SOX6: variants seen among roughly 807,000 people sequenced by gnomAD.
The protein encoded by SOX6 is transcription factor SOX-6.
Under a neutral mutation model 97.8 loss-of-function variants are expected in SOX6, and 11 were observed. That is an observed-to-expected ratio of 0.11 (90% CI 0.07 to 0.19). The LOEUF is 0.19. SOX6 is among the 10% of genes least tolerant of loss of function. The pLI, the probability that SOX6 is intolerant of heterozygous loss-of-function variation, is 1.00. For missense variants in SOX6, 810 were observed against 1,039.5 expected (o/e 0.78, Z 3.04); for synonymous variants, 360 against 371.4 (o/e 0.97, Z 0.35).
chr11:16,590,135 G>A (rs989403390), intron 4 of SOX6, among the ~76,000 whole-genome samples: 1 of 152,260 alleles, frequency 6.6e-6, no homozygotes, highest in East Asian at 1.9e-4. Context: ...GCATTGTATA[G>A]GTGGTACTGC....
At chr11:16,639,135 C>T (rs1232787082) in intron 3 of SOX6, among the ~76,000 whole-genome samples, 1 of 152,174 alleles carries the variant, frequency 6.6e-6, no homozygotes, top group Non-Finnish European at 1.5e-5. Flanking sequence ...CTACATATGG[C>T]TAGCCAGTTT....
chr11:16,106,250 C>A (rs1849080453), intron 7 of SOX6, among the ~76,000 whole-genome samples: 1 of 151,858 alleles, frequency 6.6e-6, no homozygotes, highest in African/African-American at 2.4e-5. Flanking sequence ...CTAAAACAAT[C>A]TTGAAAAAGA....
At chr11:16,192,706 G>A (rs1047381962) in intron 4 of SOX6, among the ~76,000 whole-genome samples, 1 of 151,408 alleles carries the variant, frequency 6.6e-6, no homozygotes, top group African/African-American at 2.4e-5. Context: ...GGTAAAATGA[G>A]ATAAATAAGG....
At chr11:16,500,929 G>T (rs867929762) in intron 4 of SOX6, among the ~76,000 whole-genome samples, 21 of 152,092 alleles carry the variant, frequency 1.4e-4, no homozygotes, top group Admixed American at 4.6e-4. Flanking sequence ...AAGCTACCAA[G>T]GACTTTCTTC....
chr11:16,092,897 C>G (rs935092002), intron 9 of SOX6, among the ~76,000 whole-genome samples: 6 of 150,920 alleles, frequency 4.0e-5, no homozygotes, highest in Admixed American at 2.6e-4. Flanking sequence ...GACAATATTT[C>G]TTCAGAAACA....
chr11:16,298,531 C>T (rs919930793), intron 3 of SOX6, among the ~76,000 whole-genome samples: 6 of 151,204 alleles, frequency 4.0e-5, no homozygotes, highest in East Asian at 1.9e-4. Context: ...AAATAAGTAC[C>T]CAAAGAAATA....
chr11:16,423,166 T>C (rs942096578), intron 1 of SOX6, among the ~76,000 whole-genome samples: 1 of 152,170 alleles, frequency 6.6e-6, no homozygotes, highest in Non-Finnish European at 1.5e-5. Flanking sequence ...ATCACTCTAT[T>C]GGTGCCAGCT....
rs1855465396 is a variant in SOX6 at position 16,034,500 on chromosome 11, G to A, written c.1623+12014C>T. The stretch of plus-strand genomic sequence containing the variant: ...AAACTTCTGCCAGACTGCTCTCAAT[G>A]GCACATTTTTGACAACCAGATTTAA... On this transcript the variant is annotated intron_variant, in intron 12 of 15. Transcript: ENST00000683767. Among the ~76,000 whole-genome samples the A allele has an allele frequency of 2.0e-5, 3 of 152,152 alleles. No homozygotes were observed. In the South Asian group the frequency reaches 6.2e-4, roughly 32 times the overall value.
Position 16,565,639 on chromosome 11 carries a change from ACTAACCTGCACAATGTGCACATGTACCCT to A in SOX6, n.609+46413_609+46441del. Among the ~76,000 whole-genome samples the A allele has an allele frequency of 7.9e-4, 3 of 3,820 alleles. 1 individual carries two copies. Among genetic ancestry groups the A allele is most frequent in the African/African-American group, 2.4e-3 (3 of 1,238 alleles). The allele number at this position is 3,820 out of a possible 152,430, so 2.5% of individuals were successfully genotyped here. ...AGCATGGCACATGTATACATATGTA[ACTAACCTGCACAATGTGCACATGTACCCT>A]AAAACTTAGAGTATAATAAAAAAAT... On this transcript the variant is annotated intron_variant and non_coding_transcript_variant, in intron 4 of 5. Coordinates refer to the SOX6 transcript ENST00000524520.
chr11:16,607,427 G>A lies in SOX6; in HGVS notation n.609+4654C>T, dbSNP rs1288175545. 1 of 152,474 alleles carries A rather than the reference G, an allele frequency of 6.6e-6. No individual in the cohort carries two copies. The highest frequency in any genetic ancestry group is 1.5e-5 in the Non-Finnish European group (1 of 68,228). The allele number at this position is 152,474 out of a possible 1,614,324, so 9.4% of individuals were successfully genotyped here. ...GAGTAAATGGCATTAAAGAAAAAGG[G>A]AAAGATACAAATAAAAAAAATTAAA... On this transcript the variant is annotated intron_variant and non_coding_transcript_variant, in intron 4 of 5. Transcript: ENST00000524520. The surrounding 1 kb of genome is among the most constrained non-coding windows in gnomAD (Gnocchi z 6.5).
intron 4 of SOX6, among the ~76,000 whole-genome samples, chr11:16,198,740 T>C (rs1288296338): frequency 1.3e-5 from 2 of 152,172 alleles, no homozygotes; most frequent in African/African-American, 4.8e-5. Context: ...AAAAAAATTA[T>C]TATAGCATCA....
rs770327137 is a variant in SOX6 at position 16,663,309 on chromosome 11, A to T, written n.430-51049T>A. Among the ~76,000 whole-genome samples the T allele has an allele frequency of 1.8e-3, 270 of 152,322 alleles. 4 individuals are homozygous for T. Among genetic ancestry groups the T allele is most frequent in the Non-Finnish European group, 2.2e-3 (152 of 68,032 alleles). The stretch of plus-strand genomic sequence containing the variant: ...AAAAAGTAAAACTATTTCTTTTTTA[A>T]TATGTAAGGCTATATTTTTTTTTCT... On this transcript the variant is annotated intron_variant and non_coding_transcript_variant, in intron 3 of 5. Coordinates refer to the SOX6 transcript ENST00000524520.
At chr11:16,524,416 C>T (rs1409707936) in intron 4 of SOX6, among the ~76,000 whole-genome samples, 4 of 152,046 alleles carry the variant, frequency 2.6e-5, no homozygotes, top group African/African-American at 9.7e-5. Context: ...AGGCCTTTGA[C>T]AAAATTCAAC....
At chr11:16,349,670 G>A (rs867951228) in intron 1 of SOX6, among the ~76,000 whole-genome samples, 1 of 29,920 alleles carries the variant, frequency 3.3e-5, no homozygotes, top group African/African-American at 9.9e-5. Context: ...GAGAGGGAGG[G>A]AGGGAGGAAG....
chr11:16,667,363 A>G (rs1387777730), intron 3 of SOX6, among the ~76,000 whole-genome samples: 2 of 152,184 alleles, frequency 1.3e-5, no homozygotes, highest in East Asian at 3.9e-4. Flanking sequence ...AGACTACATC[A>G]AGATATTTAA....
intron 1 of SOX6, among the ~76,000 whole-genome samples, chr11:16,362,741 G>A (rs943470041): frequency 1.4e-4 from 21 of 152,204 alleles, no homozygotes; most frequent in Middle Eastern, 3.4e-3. Flanking sequence ...AAATAAAAAC[G>A]CCTGCTTCAG....
chr11:16,655,931 T>C (rs1847713805), intron 3 of SOX6, among the ~76,000 whole-genome samples: 1 of 151,938 alleles, frequency 6.6e-6, no homozygotes, highest in Middle Eastern at 3.4e-3. Flanking sequence ...ATCACACCAC[T>C]GCACTCCAAC....
intron 6 of SOX6, among the ~76,000 whole-genome samples, chr11:16,123,865 A>G (rs1467999506): frequency 6.6e-6 from 1 of 152,060 alleles, no homozygotes; most frequent in East Asian, 1.9e-4. Context: ...AAAGAAGGTA[A>G]GGTCCATACT....
At chr11:16,525,185 G>A (rs1030262674) in intron 4 of SOX6, among the ~76,000 whole-genome samples, 7 of 152,266 alleles carry the variant, frequency 4.6e-5, no homozygotes, top group Non-Finnish European at 7.4e-5. Context: ...TCAATCCTAA[G>A]CCAAAAGAAC....
Sources: allele counts gnomAD v4.1 joint callset (sites outside exome capture counted in the v4.1 genomes callset), GRCh38; gene constraint gnomAD v4.1.1; non-coding constraint Gnocchi (gnomAD v3.1); transcripts MANE v1.5; gene names NCBI Gene and HGNC (gene_info 2026-07-23, HGNC 2026-07-21).